The following CAST variants were observed in gnomAD, a reference collection of about 807,000 sequenced individuals.
CAST encodes the protein MIR583 host.
Under a neutral mutation model 119.6 loss-of-function variants are expected in CAST, and 76 were observed. The ratio of observed to expected loss-of-function variants is 0.64; its 90% CI spans 0.53 to 0.77. CAST has a LOEUF of 0.77. Among genes scored for constraint, CAST ranks in the 30% least tolerant of loss-of-function variants. CAST has a pLI of 0.00. For synonymous variants in CAST, 319 were observed against 331.6 expected (o/e 0.96, Z 0.41); for missense variants, 953 against 946.5 (o/e 1.01, Z -0.09).
chr5:96,666,839 CAT>C (rs1482327925), intron 1 of CAST, among the ~76,000 whole-genome samples: 2 of 152,070 alleles, frequency 1.3e-5, no homozygotes, highest in Non-Finnish European at 2.9e-5. Context: ...AGTGGGGGGT[CAT>C]GTGAGATTCC....
chr5:96,081,226 G>A, the CAST span, among the ~76,000 whole-genome samples: 1 of 152,224 alleles, frequency 6.6e-6, no homozygotes, highest in African/African-American at 2.4e-5. Flanking sequence ...ACAGGGAGAA[G>A]GAGAGTGACA....
the CAST span, among the ~76,000 whole-genome samples, chr5:96,383,070 C>T: frequency 4.1e-3 from 626 of 152,190 alleles, 6 homozygotes; most frequent in African/African-American, 0.015. Flanking sequence ...ACATTCCGTT[C>T]GGGGAGACAG....
the CAST span, among the ~76,000 whole-genome samples, chr5:96,513,411 A>G: frequency 2.0e-5 from 3 of 152,348 alleles, no homozygotes; most frequent in East Asian, 5.8e-4. Flanking sequence ...AAAGCAGGGA[A>G]AAGAGTGCAG....
chr5:96,502,187 A>G, the CAST span, among the ~76,000 whole-genome samples: 1 of 152,206 alleles, frequency 6.6e-6, no homozygotes, highest in East Asian at 1.9e-4. Flanking sequence ...CAAATCTCTG[A>G]CTACCTTCTC....
chr5:96,561,588 A>G (rs1580825441), intron 1 of CAST, among the ~76,000 whole-genome samples: 1 of 151,858 alleles, frequency 6.6e-6, no homozygotes, highest in African/African-American at 2.4e-5. Flanking sequence ...GGGAGGGATA[A>G]CATTAGGAGG....
At chr5:96,311,118 A>G in the CAST span, among the ~76,000 whole-genome samples, 1 of 151,750 alleles carries the variant, frequency 6.6e-6, no homozygotes, top group East Asian at 1.9e-4. Context: ...ACATTTTTAT[A>G]TGTTGTGTCT....
chr5:96,182,464 G>A, the CAST span, among the ~76,000 whole-genome samples: 1 of 152,216 alleles, frequency 6.6e-6, no homozygotes, highest in African/African-American at 2.4e-5. Flanking sequence ...TTTAATTACA[G>A]TGCGAGGTGG....
the CAST span, among the ~76,000 whole-genome samples, chr5:96,216,272 T>C: frequency 6.6e-6 from 1 of 152,168 alleles, no homozygotes; most frequent in Admixed American, 6.5e-5. Flanking sequence ...AAAAAAATTA[T>C]ATGTGGATTT....
At chr5:96,269,880 A>G in the CAST span, among the ~76,000 whole-genome samples, 1 of 152,284 alleles carries the variant, frequency 6.6e-6, no homozygotes, top group African/African-American at 2.4e-5. Flanking sequence ...AGAAGGAGGG[A>G]ATACATTCTA....
chr5:96,090,692 G>A, the CAST span, among the ~76,000 whole-genome samples: 1 of 152,032 alleles, frequency 6.6e-6, no homozygotes, highest in Non-Finnish European at 1.5e-5. Flanking sequence ...GAAGAAGAGG[G>A]TATTTTTAAA....
the CAST span, among the ~76,000 whole-genome samples, chr5:96,411,479 T>C: frequency 3.9e-5 from 6 of 152,354 alleles, no homozygotes; most frequent in Non-Finnish European, 7.3e-5. Flanking sequence ...CAATTTGTGC[T>C]CTCCAGAGTT....
the CAST span, among the ~76,000 whole-genome samples, chr5:96,045,260 G>A: frequency 6.6e-6 from 1 of 152,030 alleles, no homozygotes; most frequent in African/African-American, 2.4e-5. Flanking sequence ...GGCTGAGTCA[G>A]GAGAATCGCT....
At chr5:96,409,127 G>A in the CAST span, among the ~76,000 whole-genome samples, 2 of 152,186 alleles carry the variant, frequency 1.3e-5, no homozygotes, top group East Asian at 1.9e-4. Context: ...TTAGGGTAAT[G>A]AAGAGATTGC....
the CAST span, among the ~76,000 whole-genome samples, chr5:96,219,483 A>T: frequency 1.3e-5 from 2 of 152,216 alleles, no homozygotes; most frequent in African/African-American, 2.4e-5. Flanking sequence ...TTATACAGCT[A>T]ATAAGTGGCA....
At chr5:96,326,695 A>ATTTTTTTTTT in the CAST span, among the ~76,000 whole-genome samples, 16 of 95,732 alleles carry the variant, frequency 1.7e-4, no homozygotes, top group South Asian at 3.6e-4. Context: ...ATGGCTTTTC[A>ATTTTTTTTTT]TTTTTTTTTT....
intron 3 of CAST, among the ~76,000 whole-genome samples, chr5:96,696,813 G>C (rs1753353788): frequency 6.6e-6 from 1 of 152,010 alleles, no homozygotes; most frequent in Admixed American, 6.6e-5. Flanking sequence ...CTGTGACAGT[G>C]CCACTGCACT....
the CAST span, among the ~76,000 whole-genome samples, chr5:96,188,359 T>G: frequency 6.6e-6 from 1 of 152,206 alleles, no homozygotes; most frequent in Non-Finnish European, 1.5e-5. Flanking sequence ...AGTTATATTA[T>G]TATTTCTTGA....
chr5:96,517,576 C>G, the CAST span, among the ~76,000 whole-genome samples: 3 of 152,178 alleles, frequency 2.0e-5, no homozygotes, highest in Non-Finnish European at 4.4e-5. Context: ...AGCTGGCACT[C>G]ATTGTAGCTG....
chr5:96,262,251 C>CT, the CAST span, among the ~76,000 whole-genome samples: 73 of 152,272 alleles, frequency 4.8e-4, no homozygotes, highest in Non-Finnish European at 9.0e-4. Flanking sequence ...TCTGAGGCAG[C>CT]ACACGTAGCA....
Sources: gnomAD v4.1 joint callset for allele counts (sites outside exome capture counted in the v4.1 genomes callset) on GRCh38, gnomAD v4.1.1 for gene constraint, MANE v1.5 for transcripts, NCBI Gene and HGNC (gene_info 2026-07-23, HGNC 2026-07-21) for gene names.